LMTK2: variants seen among roughly 807,000 people sequenced by gnomAD.
The protein encoded by LMTK2 is serine/threonine-protein kinase LMTK2.
Under a neutral mutation model 127.5 loss-of-function variants are expected in LMTK2, and 37 were observed. The ratio of observed to expected loss-of-function variants is 0.29; its 90% CI spans 0.22 to 0.38. The LOEUF (loss-of-function observed/expected upper bound fraction) is 0.38. Ranked by LOEUF, LMTK2 falls within the 10% of genes least tolerant of loss-of-function variation. LMTK2 has a pLI of 1.00. For synonymous variants in LMTK2, 819 were observed against 810.1 expected (o/e 1.01, Z -0.19); for missense variants, 1,694 against 1,920.3 (o/e 0.88, Z 2.20).
intron 11 of LMTK2, among the ~76,000 whole-genome samples, chr7:98,202,439 C>T (rs1345049858): frequency 6.6e-6 from 1 of 152,150 alleles, no homozygotes; most frequent in Non-Finnish European, 1.5e-5. Context: ...ATTGTCTTTT[C>T]CCAGGTAAAT....
intron 7 of LMTK2, among the ~76,000 whole-genome samples, chr7:98,174,101 TTGTA>T (rs1221076190): frequency 2.4e-5 from 2 of 83,152 alleles, no homozygotes; most frequent in Non-Finnish European, 6.5e-5. Flanking sequence ...TTTCATTTTG[TTGTA>T]AAAAAAAAAA....
intron 6 of LMTK2, among the ~76,000 whole-genome samples, chr7:98,165,594 C>T (rs764873131): frequency 2.0e-5 from 3 of 152,202 alleles, no homozygotes; most frequent in African/African-American, 4.8e-5. Flanking sequence ...TGGAATGACC[C>T]GGCCCTGTGT....
intron 1 of LMTK2, among the ~76,000 whole-genome samples, chr7:98,119,424 T>C (rs746296920): frequency 4.6e-5 from 7 of 152,114 alleles, no homozygotes; most frequent in Non-Finnish European, 1.0e-4. Flanking sequence ...CGTGTAAATA[T>C]CTCCCTGTGA....
chr7:98,206,848 A>C lies in LMTK2; in HGVS notation c.*1356A>C, dbSNP rs1475790480. 2 of 152,250 alleles carry C rather than the reference A, an allele frequency of 1.3e-5. No homozygotes were observed. The highest frequency in any genetic ancestry group is 6.5e-5 in the Admixed American group (1 of 15,278). 9.4% of individuals were successfully genotyped at this position (152,250 alleles called of 1,614,324 possible). A position where few individuals can be genotyped will look rare whatever the true frequency, so the allele number is the denominator to read the frequency against. ...AGCTGTGAAGGGGGATGGACAAGGGACGACGGCCGACGGCAGAGCATCAGC... is the reference window on the plus strand; with the variant it reads ...AGCTGTGAAGGGGGATGGACAAGGGCCGACGGCCGACGGCAGAGCATCAGC... On this transcript the variant is annotated 3_prime_UTR_variant, in exon 14 of 14. Transcript: ENST00000297293.
intron 1 of LMTK2, among the ~76,000 whole-genome samples, chr7:98,134,451 G>A (rs979861120): frequency 1.3e-5 from 2 of 152,142 alleles, no homozygotes; most frequent in Admixed American, 6.5e-5. Flanking sequence ...ACGTGAAAGC[G>A]CTTTGCTTTC....
At chr7:98,151,235 T>C in intron 3 of LMTK2, 147 bp from the exon 4 acceptor site, 1 of 513,042 alleles carries the variant, frequency 1.9e-6, no homozygotes. Context: ...TAAAACTGTT[T>C]TGGCATGATT....
chr7:98,121,848 T>A (rs114739028), intron 1 of LMTK2, among the ~76,000 whole-genome samples: 2,185 of 151,560 alleles, frequency 0.014, 51 homozygotes, highest in African/African-American at 0.05. Context: ...AAAAATTTTT[T>A]AAAAAAATTA....
At chr7:98,165,182 G>A (rs1221906328) in intron 6 of LMTK2, among the ~76,000 whole-genome samples, 3 of 152,202 alleles carry the variant, frequency 2.0e-5, no homozygotes, top group Admixed American at 2.0e-4. Flanking sequence ...AGGAACCTTG[G>A]CCACTGCCCA....
chr7:98,175,487 C>T (rs1435856858), intron 7 of LMTK2, among the ~76,000 whole-genome samples: 2 of 152,174 alleles, frequency 1.3e-5, no homozygotes, highest in Non-Finnish European at 2.9e-5. Context: ...GTTCTGTAGG[C>T]AGTAGGATGG....
At chr7:98,121,781 G>A (rs1310149660) in intron 1 of LMTK2, among the ~76,000 whole-genome samples, 1 of 152,106 alleles carries the variant, frequency 6.6e-6, no homozygotes, top group African/African-American at 2.4e-5. Context: ...CGGCTGGATC[G>A]CTTGAGGCCA....
chr7:98,118,756 A>G (rs910331395), intron 1 of LMTK2, among the ~76,000 whole-genome samples: 4 of 152,156 alleles, frequency 2.6e-5, no homozygotes, highest in African/African-American at 9.7e-5. Context: ...GTGTTTTTAT[A>G]AAACAGGATG....
chr7:98,184,096 G>C (rs1030756264), intron 7 of LMTK2, among the ~76,000 whole-genome samples: 2 of 152,118 alleles, frequency 1.3e-5, no homozygotes, highest in Non-Finnish European at 2.9e-5. Flanking sequence ...AGGGCCAAGC[G>C]GGTGACTTGC....
chr7:98,107,802 G>A (rs552038539), intron 1 of LMTK2, among the ~76,000 whole-genome samples: 19 of 152,298 alleles, frequency 1.2e-4, no homozygotes, highest in African/African-American at 4.6e-4. Context: ...GGATGAGAAG[G>A]AAACAACTAT....
At chr7:98,181,746 C>T (rs1797359576) in intron 7 of LMTK2, among the ~76,000 whole-genome samples, 2 of 152,166 alleles carry the variant, frequency 1.3e-5, no homozygotes, top group Admixed American at 1.3e-4. Context: ...GCAACCTCCG[C>T]CTCCTGGGTT....
chr7:98,134,152 T>C (rs1223886483), intron 1 of LMTK2, among the ~76,000 whole-genome samples: 5 of 152,352 alleles, frequency 3.3e-5, no homozygotes, highest in Admixed American at 2.0e-4. Context: ...TTCATGGGCA[T>C]ATCAGTTTCT....
intron 1 of LMTK2, among the ~76,000 whole-genome samples, chr7:98,122,866 A>G (rs1796385782): frequency 6.6e-6 from 1 of 151,730 alleles, no homozygotes; most frequent in East Asian, 1.9e-4. Context: ...CCATGGTAGT[A>G]TGCCTCCCTG....
chr7:98,198,232 C>T (rs1797657584), intron 11 of LMTK2, among the ~76,000 whole-genome samples: 1 of 150,712 alleles, frequency 6.6e-6, no homozygotes, highest in Non-Finnish European at 1.5e-5. Context: ...CACTCTGTCG[C>T]CAGGTTGGAG....
chr7:98,197,216 A>C (rs1797634791), intron 11 of LMTK2, among the ~76,000 whole-genome samples: 1 of 152,194 alleles, frequency 6.6e-6, no homozygotes, highest in Non-Finnish European at 1.5e-5. Flanking sequence ...TTATACATTG[A>C]GTCTTGTTTT....
intron 7 of LMTK2, among the ~76,000 whole-genome samples, chr7:98,179,998 G>T (rs983434945): frequency 2.0e-5 from 3 of 152,202 alleles, no homozygotes; most frequent in African/African-American, 7.2e-5. Context: ...TCAATTCTCT[G>T]CCTCAGTGTC....
Sources: allele counts gnomAD v4.1 joint callset (sites outside exome capture counted in the v4.1 genomes callset), GRCh38; gene constraint gnomAD v4.1.1; transcripts MANE v1.5; gene names NCBI Gene and HGNC (gene_info 2026-07-23, HGNC 2026-07-21).